Variants in CUX1 observed in about 807,000 individuals in gnomAD.
CUX1 encodes the protein protein CASP.
Under a neutral mutation model 158.8 loss-of-function variants are expected in CUX1, and 31 were observed. That is an observed-to-expected ratio of 0.20 (90% CI 0.15 to 0.26). The LOEUF is 0.26. Ranked by LOEUF, CUX1 falls within the 10% of genes least tolerant of loss-of-function variation. CUX1 has a pLI of 1.00. For missense variants in CUX1, 1,589 were observed against 2,014.6 expected (o/e 0.79, Z 4.04); for synonymous variants, 879 against 862.1 (o/e 1.02, Z -0.34).
intron 2 of CUX1, among the ~76,000 whole-genome samples, chr7:102,025,365 G>T (rs546529719): frequency 1.3e-5 from 2 of 152,250 alleles, no homozygotes; most frequent in South Asian, 2.1e-4. Context: ...GGTGGCTCAC[G>T]CCTGTAATCC....
chr7:101,987,392 A>G (rs539669409), intron 2 of CUX1, among the ~76,000 whole-genome samples: 2 of 152,108 alleles, frequency 1.3e-5, no homozygotes, highest in South Asian at 4.2e-4. Context: ...GGCGACAGTG[A>G]CTCAGCTTCT....
At chr7:101,952,511 G>A (rs1809200015) in intron 2 of CUX1, among the ~76,000 whole-genome samples, 1 of 152,194 alleles carries the variant, frequency 6.6e-6, no homozygotes, top group Non-Finnish European at 1.5e-5. Flanking sequence ...ACCCTGCTAC[G>A]GAACCCCGAG....
In CUX1 at chr7:102,239,597, G is replaced by A. The variant is rs1799946184; in HGVS notation, c.3887+13G>A. 6.2e-7 allele frequency: 1 copy of A among 1,606,066 alleles called. No homozygotes were observed. Among genetic ancestry groups the A allele is most frequent in the South Asian group, 1.1e-5 (1 of 90,788 alleles). ...TCCACAACTACAGGTACGACGGCTG[G>A]CTCACAGGGAGCGCCGGTCGGCCCA... On this transcript the variant is annotated intron_variant, in intron 23 of 23. Transcript: ENST00000292535.
At chr7:101,845,104 C>T (rs1011657583) in intron 1 of CUX1, among the ~76,000 whole-genome samples, 3 of 152,022 alleles carry the variant, frequency 2.0e-5, no homozygotes, top group African/African-American at 7.2e-5. Context: ...CTTTCTAGGA[C>T]ACCCACTGTA....
chr7:101,936,199 A>G (rs1175925888), intron 2 of CUX1, among the ~76,000 whole-genome samples: 1 of 145,020 alleles, frequency 6.9e-6, no homozygotes, highest in Non-Finnish European at 1.5e-5. Flanking sequence ...TGGGGCATAG[A>G]GACAGTGGGT....
intron 1 of CUX1, among the ~76,000 whole-genome samples, chr7:101,834,248 A>G (rs1794388482): frequency 8.0e-6 from 1 of 124,692 alleles, no homozygotes; most frequent in Non-Finnish European, 1.6e-5. Context: ...ATCTCAGCCC[A>G]CTGCAACCTC....
intron 2 of CUX1, among the ~76,000 whole-genome samples, chr7:101,927,962 C>T (rs528772209): frequency 8.5e-5 from 13 of 152,306 alleles, no homozygotes; most frequent in African/African-American, 2.9e-4. Flanking sequence ...TGTCTGCCCC[C>T]GCCCCTTGCT....
At chr7:102,120,096 C>T (rs1471285716) in intron 8 of CUX1, among the ~76,000 whole-genome samples, 1 of 152,194 alleles carries the variant, frequency 6.6e-6, no homozygotes, top group African/African-American at 2.4e-5. Flanking sequence ...TCCCTCACTG[C>T]CCCAAGTTCC....
intron 1 of CUX1, among the ~76,000 whole-genome samples, chr7:101,893,359 C>T (rs1046084893): frequency 8.6e-5 from 13 of 151,666 alleles, no homozygotes; most frequent in Admixed American, 7.9e-4. Context: ...TTTCTACTTT[C>T]GACAGGATTC....
chr7:102,012,591 G>T (rs543149324), intron 2 of CUX1, among the ~76,000 whole-genome samples: 1 of 152,074 alleles, frequency 6.6e-6, no homozygotes, highest in East Asian at 1.9e-4. Context: ...TTTTCCCAGC[G>T]TCCTCTCTGA....
At chr7:102,189,928 C>A (rs1380166900) in intron 12 of CUX1, 57 bp downstream of exon 12, 3 of 1,579,182 alleles carry the variant, frequency 1.9e-6, no homozygotes, top group Non-Finnish European at 2.6e-6. Flanking sequence ...GGGCCATCTG[C>A]TAACAATGCC....
chr7:102,109,179 AAAT>A (rs1346605658), intron 6 of CUX1, among the ~76,000 whole-genome samples: 9 of 152,346 alleles, frequency 5.9e-5, no homozygotes, highest in South Asian at 4.1e-4. Flanking sequence ...TCTCAAAAAC[AAAT>A]AATAACATTT....
intron 2 of CUX1, among the ~76,000 whole-genome samples, chr7:102,000,392 C>T (rs17134973): frequency 0.038 from 5,729 of 152,260 alleles, 387 homozygotes; most frequent in African/African-American, 0.13. Flanking sequence ...CAAATGTTTT[C>T]CCAAGTGCAT....
chr7:102,222,721 G>T (rs781899359), intron 20 of CUX1, among the ~76,000 whole-genome samples: 1 of 151,426 alleles, frequency 6.6e-6, no homozygotes, highest in Admixed American at 6.6e-5. Context: ...ACACTTGGGC[G>T]CAGGGTGCAG....
downstream of CUX1, among the ~76,000 whole-genome samples, chr7:102,262,875 T>C (rs560835984): frequency 6.6e-6 from 1 of 152,256 alleles, no homozygotes; most frequent in East Asian, 1.9e-4. Flanking sequence ...GCTGGGGTTA[T>C]TACAGGGCAA....
intron 8 of CUX1, among the ~76,000 whole-genome samples, chr7:102,140,497 TA>T (rs1383070248): frequency 6.0e-5 from 9 of 150,696 alleles, no homozygotes; most frequent in Admixed American, 2.0e-4. Context: ...CCACCTGCCT[TA>T]GCCTCCCAAA....
chr7:102,266,344 G>T (rs1170908622), intron 14 of CUX1, among the ~76,000 whole-genome samples: 4 of 151,956 alleles, frequency 2.6e-5, no homozygotes, highest in African/African-American at 7.3e-5. Context: ...CGGGAAGGGG[G>T]TCTCTGCCTA....
chr7:102,156,135 C>T lies in CUX1; in HGVS notation c.675-2425C>T, dbSNP rs6957953. 6.0e-3 allele frequency among the ~76,000 whole-genome samples: 917 copies of T among 152,248 alleles called. 10 individuals are homozygous for T. The highest frequency in any genetic ancestry group is 0.021 in the African/African-American group (875 of 41,556). Reference sequence around the variant, plus strand: ...AATCGCTGTGTGTAGTTAAAGGCTGCAAAAGCCTCAGGCCACAAAAATTCC... The same window carrying T: ...AATCGCTGTGTGTAGTTAAAGGCTGTAAAAGCCTCAGGCCACAAAAATTCC... On this transcript the variant is annotated intron_variant, in intron 8 of 23. Coordinates refer to ENST00000292535, the MANE Select transcript of CUX1 (RefSeq NM_181552.4).
At position 101,992,280 on chromosome 7, in the gene CUX1, C is replaced by T. The variant is rs187020921; in HGVS notation, c.142-35818C>T. On this transcript the variant is annotated intron_variant, in intron 2 of 23. Transcript: ENST00000292535. The stretch of plus-strand genomic sequence containing the variant: ...CACCCCCTCCCATCTTCAACCAGTG[C>T]GACCCTGTTTTTACCTGCTCAGCAG... 2.1e-3 allele frequency among the ~76,000 whole-genome samples: 320 copies of T among 152,222 alleles called. 1 individual carries two copies. Among genetic ancestry groups the T allele is most frequent in the African/African-American group, 7.5e-3 (312 of 41,524 alleles).
Sources: allele counts gnomAD v4.1 joint callset (sites outside exome capture counted in the v4.1 genomes callset), GRCh38; gene constraint gnomAD v4.1.1; transcripts MANE v1.5; gene names NCBI Gene and HGNC (gene_info 2026-07-23, HGNC 2026-07-21).